IL1RAPL1: variants seen among roughly 807,000 people sequenced by gnomAD.
IL1RAPL1 encodes interleukin-1 receptor accessory protein-like 1.
In IL1RAPL1, 3 loss-of-function variants were observed where a neutral mutation model predicts 48.4. The observed-to-expected ratio is 0.06, with a 90% confidence interval of 0.03 to 0.16. The LOEUF is 0.16. Ranked by LOEUF, IL1RAPL1 falls within the 10% of genes least tolerant of loss-of-function variation. The pLI is 1.00. For missense variants in IL1RAPL1, 349 were observed against 530.6 expected, an observed-to-expected ratio of 0.66 and a Z score of 3.36; for synonymous variants, 185 against 187.7, an observed-to-expected ratio of 0.99 and a Z score of 0.12.
At chrX:29,160,983 G>A (rs1029123847) in intron 2 of IL1RAPL1, among the ~76,000 whole-genome samples, 40 of 110,953 alleles carry the variant, frequency 3.6e-4, no homozygotes, top group African/African-American at 1.3e-3. Flanking sequence ...GCTTGAGCCC[G>A]GGAGGCGGAG....
At chrX:29,751,483 T>C (rs1928460821) in intron 6 of IL1RAPL1, among the ~76,000 whole-genome samples, 1 of 111,933 alleles carries the variant, frequency 8.9e-6, no homozygotes, top group South Asian at 3.7e-4. Flanking sequence ...AGATCAAGTA[T>C]AGTATCTGTT....
intron 2 of IL1RAPL1, among the ~76,000 whole-genome samples, chrX:29,020,905 T>A (rs953539214): frequency 2.7e-5 from 3 of 112,276 alleles, no homozygotes; most frequent in Non-Finnish European, 5.6e-5. Flanking sequence ...TCTGATCATT[T>A]TCTTTCTTAA....
intron 1 of IL1RAPL1, among the ~76,000 whole-genome samples, chrX:28,631,585 G>T (rs773621770): frequency 1.8e-5 from 2 of 112,344 alleles, no homozygotes; most frequent in African/African-American, 3.2e-5. Context: ...CCAAATGTTT[G>T]TAGTGCTACT....
At chrX:29,672,164 A>T (rs1926159005) in intron 6 of IL1RAPL1, among the ~76,000 whole-genome samples, 1 of 111,708 alleles carries the variant, frequency 9.0e-6, no homozygotes, top group Non-Finnish European at 1.9e-5. Flanking sequence ...AAATAATGTG[A>T]TGGTCTTTAC....
chrX:29,149,209 A>G (rs918093932), intron 2 of IL1RAPL1, among the ~76,000 whole-genome samples: 11 of 110,839 alleles, frequency 9.9e-5, no homozygotes, highest in Non-Finnish European at 2.1e-4. Flanking sequence ...CTGCTTTATT[A>G]CATCAGCTAC....
Position 29,727,161 on chromosome X carries a change from C to CA in IL1RAPL1, c.778+58665dup, listed in dbSNP as rs200108719. Among the ~76,000 whole-genome samples, 621 of 110,879 alleles carry CA rather than the reference C, an allele frequency of 5.6e-3. 14 individuals are homozygous for CA. In the East Asian group the frequency reaches 0.057, roughly 10 times the overall value. On this transcript the variant is annotated intron_variant, in intron 6 of 10. Coordinates refer to ENST00000378993, the MANE Select transcript of IL1RAPL1 (RefSeq NM_014271.4). The stretch of plus-strand genomic sequence containing the variant: ...GATTCTGCTCTTTCTTCCAGAAATA[C>CA]AAAAAAAAGACACATTTAAGAATTT...
intron 2 of IL1RAPL1, among the ~76,000 whole-genome samples, chrX:28,940,089 AT>A (rs1316973716): frequency 1.8e-5 from 2 of 111,701 alleles, no homozygotes; most frequent in Non-Finnish European, 3.8e-5. Context: ...TATATTTAAT[AT>A]GTGGATACAG....
At chrX:29,285,524 C>CAA (rs778913919) in intron 3 of IL1RAPL1, among the ~76,000 whole-genome samples, 203 of 11,587 alleles carry the variant, frequency 0.018, 59 homozygotes, top group South Asian at 0.04. Context: ...AACTCCGTCT[C>CAA]AAAAAAAAAA....
At chrX:28,798,049 T>A (rs73630089) in intron 2 of IL1RAPL1, among the ~76,000 whole-genome samples, 2,454 of 111,417 alleles carry the variant, frequency 0.022, 56 homozygotes, top group African/African-American at 0.076. Flanking sequence ...ACTCATTCAC[T>A]GTCAGAAGAA....
At chrX:28,794,230 G>T (rs1194395172) in intron 2 of IL1RAPL1, among the ~76,000 whole-genome samples, 1 of 111,317 alleles carries the variant, frequency 9.0e-6, no homozygotes, top group African/African-American at 3.3e-5. Flanking sequence ...CAAATGGGGA[G>T]TGTTTTCATG....
intron 1 of IL1RAPL1, among the ~76,000 whole-genome samples, chrX:28,592,318 T>C (rs770804185): frequency 5.6e-4 from 63 of 111,936 alleles, no homozygotes; most frequent in Non-Finnish European, 1.1e-3. Context: ...CAAACAAATG[T>C]ACACAAACTT....
At chrX:29,011,632 A>G (rs777686186) in intron 2 of IL1RAPL1, among the ~76,000 whole-genome samples, 1 of 112,133 alleles carries the variant, frequency 8.9e-6, no homozygotes, top group Admixed American at 9.5e-5. Context: ...TAAAGTTTGA[A>G]GAGACAGATT....
At chrX:29,917,965 A>C (rs1357316406) in intron 7 of IL1RAPL1, among the ~76,000 whole-genome samples, 1 of 102,125 alleles carries the variant, frequency 9.8e-6, no homozygotes. Context: ...TCTACTAAAA[A>C]TACAAAAATT....
intron 1 of IL1RAPL1, among the ~76,000 whole-genome samples, chrX:28,684,647 G>C (rs1209774070): frequency 8.9e-6 from 1 of 111,919 alleles, no homozygotes. Context: ...AGTGTGAATG[G>C]TATGCCATGC....
At chrX:29,169,954 A>G (rs1246148538) in intron 2 of IL1RAPL1, among the ~76,000 whole-genome samples, 2 of 111,325 alleles carry the variant, frequency 1.8e-5, no homozygotes, top group Non-Finnish European at 3.8e-5. Flanking sequence ...ATTTTTATGT[A>G]CCTGATTGCA....
intron 1 of IL1RAPL1, among the ~76,000 whole-genome samples, chrX:28,612,056 A>G (rs1934154096): frequency 8.9e-6 from 1 of 111,970 alleles, no homozygotes; most frequent in African/African-American, 3.2e-5. Context: ...CAGAAACCAT[A>G]TATGGCTTGC....
chrX:29,472,698 G>A (rs940633474), intron 5 of IL1RAPL1, among the ~76,000 whole-genome samples: 5 of 111,701 alleles, frequency 4.5e-5, no homozygotes, highest in African/African-American at 6.5e-5. Context: ...CATACTCCCC[G>A]TGTGAACTTG....
At chrX:28,997,548 A>G (rs1331547758) in intron 2 of IL1RAPL1, among the ~76,000 whole-genome samples, 1 of 111,434 alleles carries the variant, frequency 9.0e-6, no homozygotes, top group Non-Finnish European at 1.9e-5. Context: ...TCTTTTTGGC[A>G]TACTGGCATA....
intron 6 of IL1RAPL1, among the ~76,000 whole-genome samples, chrX:29,712,506 T>TA (rs1400528316): frequency 8.9e-6 from 1 of 112,023 alleles, no homozygotes; most frequent in Non-Finnish European, 1.9e-5. Context: ...AGGAGATACT[T>TA]ATGATGTCTA....
Sources: gnomAD v4.1 joint callset for allele counts (sites outside exome capture counted in the v4.1 genomes callset) on GRCh38, gnomAD v4.1.1 for gene constraint, MANE v1.5 for transcripts, NCBI Gene and HGNC (gene_info 2026-07-23, HGNC 2026-07-21) for gene names.